The following ATAD2 variants were observed in gnomAD, a reference collection of about 807,000 sequenced individuals.
ATAD2 encodes ATPase family AAA domain containing 2, also known as ATPase family AAA domain-containing protein 2.
ATAD2 carries 62 observed loss-of-function variants against 168.9 expected under a neutral mutation model. The observed-to-expected ratio is 0.37, with a 90% CI of 0.30 to 0.45. ATAD2 has a LOEUF of 0.45. Among genes scored for constraint, ATAD2 ranks in the 20% least tolerant of loss-of-function variants. The pLI is 1.00. For synonymous variants in ATAD2, 613 were observed against 571.6 expected (o/e 1.07, Z -1.03); for missense variants, 1,419 against 1,667.8 (o/e 0.85, Z 2.60).
chr8:123,323,940 T>C (rs1586851991), intron 26 of ATAD2, among the ~76,000 whole-genome samples: 1 of 152,202 alleles, frequency 6.6e-6, no homozygotes, highest in South Asian at 2.1e-4. Context: ...ATGACATACA[T>C]GTATACTGAG....
chr8:123,336,414 C>G lies in ATAD2; in HGVS notation c.3170G>C (p.Cys1057Ser). 1 of 1,583,832 alleles carries G rather than the reference C, an allele frequency of 6.3e-7. No individual in the cohort carries two copies. Among genetic ancestry groups the G allele is most frequent in the Non-Finnish European group, 8.5e-7 (1 of 1,171,158 alleles). ...TGGATTGTATTCTAAGGCATTACTA[C>G]AGATTAGATCAATATCTCTCAAATA... is the stretch of plus-strand genomic sequence containing the variant. ...KDYLRDIDLICSNALEYNPDR... is the reference protein window; with the variant it reads ...KDYLRDIDLISSNALEYNPDR... Residue 1057 changes from cysteine (C) to serine (S), a missense_variant, in exon 22 of 28, where the codon TGT (cysteine) becomes TCT (serine). Coordinates refer to ENST00000287394, the MANE Select transcript of ATAD2 (RefSeq NM_014109.4).
chr8:123,415,050 T>C (rs1813228597), intron 1 of ATAD2, among the ~76,000 whole-genome samples: 1 of 152,220 alleles, frequency 6.6e-6, no homozygotes, highest in African/African-American at 2.4e-5. Flanking sequence ...GTTTCCAGGA[T>C]TTGTTTCAAG....
intron 4 of ATAD2, 98 bp from the exon 5 acceptor site, chr8:123,371,436 G>A: frequency 1.0e-6 from 1 of 982,672 alleles, no homozygotes; most frequent in East Asian, 2.7e-5. Context: ...TGGCACTAAG[G>A]TTTTAAATAT....
chr8:123,323,381 G>A (rs1020696802), intron 26 of ATAD2, among the ~76,000 whole-genome samples: 5 of 152,084 alleles, frequency 3.3e-5, no homozygotes, highest in African/African-American at 1.2e-4. Flanking sequence ...GAAAAGCAAA[G>A]TTTTTTTGCA....
At chr8:123,351,805 T>C (rs1211224603) in intron 13 of ATAD2, among the ~76,000 whole-genome samples, 4 of 151,360 alleles carry the variant, frequency 2.6e-5, no homozygotes, top group Admixed American at 2.6e-4. Context: ...TGGAGTGCAG[T>C]GGCACGATCT....
intron 11 of ATAD2, 48 bp from the exon 12 acceptor site, chr8:123,357,784 C>T: frequency 6.7e-7 from 1 of 1,493,954 alleles, no homozygotes; most frequent in Non-Finnish European, 9.0e-7. Context: ...AAAAAGCAGA[C>T]TTTTAAAACA....
Position 123,337,700 on chromosome 8 carries a change from G to T in ATAD2, c.2976C>A (p.Phe992Leu), listed in dbSNP as rs2131302110. 1 of 1,613,660 alleles carries T rather than the reference G, an allele frequency of 6.2e-7. No homozygotes were observed. Among genetic ancestry groups the T allele is most frequent in the East Asian group, 2.2e-5 (1 of 44,840 alleles). Reference protein sequence around the residue: ...EEDTFRELRIFLRNVTHRLAI... With the variant: ...EEDTFRELRILLRNVTHRLAI... The stretch of plus-strand genomic sequence containing the variant: ...CAAGCCTATGTGTAACATTTCTTAA[G>T]AAAATCCTCAGTTCTCTAAATGTAT... The change falls in exon 21 of 28, where the codon TTC becomes TTA. Residue 992 changes from phenylalanine (F) to leucine (L), a missense_variant. Around this residue, in one of 5 missense-constraint regions of ATAD2, gnomAD observed 545 missense variants for 724.9 expected, o/e 0.75. Coordinates refer to ENST00000287394, the MANE Select transcript of ATAD2 (RefSeq NM_014109.4).
chr8:123,332,170 C>T (rs184763934), intron 24 of ATAD2, among the ~76,000 whole-genome samples: 3 of 152,152 alleles, frequency 2.0e-5, no homozygotes, highest in East Asian at 1.9e-4. Flanking sequence ...TTCTAGGCTA[C>T]GTGATTCAAT....
At chr8:123,329,764 A>C (rs1827723739) in intron 24 of ATAD2, among the ~76,000 whole-genome samples, 1 of 148,050 alleles carries the variant, frequency 6.8e-6, no homozygotes, top group Non-Finnish European at 1.5e-5. Context: ...AAAAAAAAAA[A>C]AAAAAAAAAA....
At chr8:123,345,506 CAA>C (rs34282183) in intron 18 of ATAD2, among the ~76,000 whole-genome samples, 16 of 50,112 alleles carry the variant, frequency 3.2e-4, no homozygotes, top group Non-Finnish European at 3.9e-4. Flanking sequence ...TATTAAAATA[CAA>C]AAAAAAAAAA....
chr8:123,406,577 G>A (rs1813070491), intron 1 of ATAD2, among the ~76,000 whole-genome samples: 1 of 151,592 alleles, frequency 6.6e-6, no homozygotes, highest in African/African-American at 2.4e-5. Context: ...AACATTTTGG[G>A]AGGCCAAGGC....
At chr8:123,385,548 C>A (rs1047207487) in intron 1 of ATAD2, among the ~76,000 whole-genome samples, 1 of 151,912 alleles carries the variant, frequency 6.6e-6, no homozygotes, top group African/African-American at 2.4e-5. Flanking sequence ...GAATAAAGAA[C>A]TAAAAAACAA....
At position 123,360,968 on chromosome 8, in the gene ATAD2, A is replaced by T. The variant is rs1329541853; in HGVS notation, c.1157+571T>A. On this transcript the variant is annotated intron_variant, in intron 9 of 27. Coordinates refer to ENST00000287394, the MANE Select transcript of ATAD2 (RefSeq NM_014109.4). ...AAAAAAAAAAATACATGAAAAGAAAAGGTTATTTCCTTAAGTCACTGTTTG... is the reference window on the plus strand; with the variant it reads ...AAAAAAAAAAATACATGAAAAGAAATGGTTATTTCCTTAAGTCACTGTTTG... Among the ~76,000 whole-genome samples the T allele has an allele frequency of 2.0e-5, 3 of 151,682 alleles. No homozygotes were observed. The South Asian group carries it at 6.2e-4, about 31-fold the overall frequency.
chr8:123,401,643 G>T, intron 1 of ATAD2: 1 of 877,742 alleles, frequency 1.1e-6, no homozygotes, highest in Non-Finnish European at 1.9e-6. Flanking sequence ...CGGCACTTTG[G>T]TGTGCCCATC....
intron 24 of ATAD2, among the ~76,000 whole-genome samples, chr8:123,333,172 A>T (rs181203809): frequency 7.5e-6 from 1 of 133,286 alleles, no homozygotes; most frequent in Non-Finnish European, 1.5e-5. Context: ...GTGGATCATG[A>T]GGTCAGGAGA....
intron 8 of ATAD2, among the ~76,000 whole-genome samples, chr8:123,364,471 A>C (rs1828914167): frequency 6.6e-6 from 1 of 152,204 alleles, no homozygotes; most frequent in Non-Finnish European, 1.5e-5. Context: ...GGACATAACC[A>C]AAAAAGAAAA....
chr8:123,395,848 C>A (rs574224594), intron 1 of ATAD2, among the ~76,000 whole-genome samples: 2 of 152,212 alleles, frequency 1.3e-5, no homozygotes, highest in Admixed American at 6.5e-5. Flanking sequence ...GGGCAGGAGC[C>A]TGGGCGATCG....
intron 3 of ATAD2, among the ~76,000 whole-genome samples, chr8:123,372,188 A>G (rs1829169587): frequency 1.3e-5 from 2 of 152,250 alleles, no homozygotes; most frequent in African/African-American, 4.8e-5. Context: ...ACTCATCAAC[A>G]AAAAAGTGAC....
intron 1 of ATAD2, among the ~76,000 whole-genome samples, chr8:123,386,500 G>C (rs1416037035): frequency 6.6e-6 from 1 of 152,122 alleles, no homozygotes; most frequent in East Asian, 1.9e-4. Flanking sequence ...GGTTGCCAGG[G>C]ACTAGGAGGA....
Sources: allele counts gnomAD v4.1 joint callset (sites outside exome capture counted in the v4.1 genomes callset), GRCh38; gene constraint gnomAD v4.1.1; regional missense constraint gnomAD v4.1.1; transcripts MANE v1.5; gene names NCBI Gene and HGNC (gene_info 2026-07-23, HGNC 2026-07-21).